ENOX1: variants seen among roughly 807,000 people sequenced by gnomAD.
ENOX1 encodes the protein ecto-NOX disulfide-thiol exchanger 1.
ENOX1 carries 42 observed loss-of-function variants against 82.5 expected under a neutral mutation model. The observed-to-expected ratio is 0.51, with a 90% CI of 0.40 to 0.66. ENOX1 has a LOEUF of 0.66. Among genes scored for constraint, ENOX1 ranks in the 30% least tolerant of loss-of-function variants. ENOX1 has a pLI of 0.00. For missense variants in ENOX1, 608 were observed against 811.6 expected (o/e 0.75, Z 3.05); for synonymous variants, 271 against 282.2 (o/e 0.96, Z 0.40).
chr13:43,460,366 C>T (rs2057412686), intron 3 of ENOX1, among the ~76,000 whole-genome samples: 1 of 151,988 alleles, frequency 6.6e-6, no homozygotes, highest in South Asian at 2.1e-4. Flanking sequence ...ATCAGAAACC[C>T]CACTTCCTCT....
intron 2 of ENOX1, 118 bp from the exon 3 acceptor site, chr13:43,484,270 T>C (rs1413226030): frequency 1.9e-6 from 1 of 538,878 alleles, no homozygotes; most frequent in East Asian, 1.5e-4. Flanking sequence ...CTATTATCAA[T>C]TTTGTACCCT....
intron 5 of ENOX1, among the ~76,000 whole-genome samples, chr13:43,388,042 A>G (rs2052539618): frequency 6.6e-6 from 1 of 152,186 alleles, no homozygotes; most frequent in Non-Finnish European, 1.5e-5. Context: ...ACTAATAAAA[A>G]CACATGAATG....
chr13:43,393,227 C>T (rs747719047), intron 5 of ENOX1, among the ~76,000 whole-genome samples: 1 of 152,160 alleles, frequency 6.6e-6, no homozygotes, highest in Non-Finnish European at 1.5e-5. Context: ...TTCCAAGAAA[C>T]TTAAGTATTC....
chr13:43,669,715 G>A (rs1298750422), intron 1 of ENOX1, among the ~76,000 whole-genome samples: 2 of 152,002 alleles, frequency 1.3e-5, no homozygotes, highest in Non-Finnish European at 2.9e-5. Context: ...CAAGCATAGA[G>A]CTTAGAAATG....
At chr13:43,627,742 T>C (rs9594983) in intron 2 of ENOX1, among the ~76,000 whole-genome samples, 40,761 of 151,968 alleles carry the variant, frequency 0.27, 6,935 homozygotes, top group Non-Finnish European at 0.38. Context: ...GAGTCCCTTC[T>C]TTTATTGTTT....
intron 16 of ENOX1, among the ~76,000 whole-genome samples, chr13:43,217,792 G>T (rs2041564743): frequency 1.3e-5 from 2 of 152,232 alleles, no homozygotes; most frequent in Non-Finnish European, 2.9e-5. Context: ...CTTGGTTTGT[G>T]TGCTGGCCTC....
chr13:43,496,462 T>G (rs2076796577), intron 2 of ENOX1, among the ~76,000 whole-genome samples: 1 of 151,982 alleles, frequency 6.6e-6, no homozygotes, highest in Non-Finnish European at 1.5e-5. Flanking sequence ...CATAGCTGAC[T>G]GTAACCGAGT....
intron 5 of ENOX1, among the ~76,000 whole-genome samples, chr13:43,383,531 C>A (rs1476959139): frequency 6.6e-6 from 1 of 152,006 alleles, no homozygotes; most frequent in Non-Finnish European, 1.5e-5. Flanking sequence ...ATAGGAAATC[C>A]ATGTATGCTT....
intron 1 of ENOX1, among the ~76,000 whole-genome samples, chr13:43,732,760 A>G (rs1450330027): frequency 6.6e-6 from 1 of 152,236 alleles, no homozygotes; most frequent in African/African-American, 2.4e-5. Flanking sequence ...CATGGGTTCA[A>G]CAATGCTGCC....
intron 14 of ENOX1, among the ~76,000 whole-genome samples, chr13:43,246,274 A>T (rs2043076868): frequency 6.6e-6 from 1 of 152,326 alleles, no homozygotes; most frequent in Non-Finnish European, 1.5e-5. Flanking sequence ...CAGACTCAGG[A>T]TCTGAACCAA....
intron 8 of ENOX1, among the ~76,000 whole-genome samples, chr13:43,350,929 C>T (rs563489168): frequency 2.2e-4 from 33 of 152,122 alleles, no homozygotes; most frequent in South Asian, 6.2e-4. Context: ...TTGAACGGAA[C>T]GAGGGAAAAC....
At chr13:43,631,847 G>C (rs1000010382) in intron 2 of ENOX1, among the ~76,000 whole-genome samples, 2 of 152,108 alleles carry the variant, frequency 1.3e-5, no homozygotes, top group African/African-American at 4.8e-5. Flanking sequence ...AATCTGGAAA[G>C]TTATTAAATT....
intron 2 of ENOX1, among the ~76,000 whole-genome samples, chr13:43,506,407 C>T (rs12560605): frequency 0.13 from 20,088 of 149,516 alleles, 1,902 homozygotes; most frequent in East Asian, 0.48. Flanking sequence ...ACTAGTTCAA[C>T]CATTGTGGAA....
intron 1 of ENOX1, among the ~76,000 whole-genome samples, chr13:43,753,287 T>A (rs111641954): frequency 0.015 from 2,269 of 152,334 alleles, 51 homozygotes; most frequent in African/African-American, 0.05. Flanking sequence ...ATATTGAGAC[T>A]TTTTATCAAA....
At chr13:43,280,150 A>T (rs1838601926) in intron 12 of ENOX1, among the ~76,000 whole-genome samples, 1 of 152,226 alleles carries the variant, frequency 6.6e-6, no homozygotes, top group Admixed American at 6.5e-5. Flanking sequence ...CTTTCCAGCC[A>T]GGTTGGCCCA....
At chr13:43,435,597 A>G (rs987104455) in intron 3 of ENOX1, among the ~76,000 whole-genome samples, 1 of 152,228 alleles carries the variant, frequency 6.6e-6, no homozygotes, top group African/African-American at 2.4e-5. Flanking sequence ...AAACCACGGT[A>G]CTCACACAAC....
chr13:43,409,957 A>T (rs1271081101), intron 5 of ENOX1, among the ~76,000 whole-genome samples: 1 of 152,218 alleles, frequency 6.6e-6, no homozygotes, highest in Non-Finnish European at 1.5e-5. Context: ...GGAAGCCCAG[A>T]AAGACCCTGA....
chr13:43,756,372 G>A (rs1361830641), intron 1 of ENOX1, among the ~76,000 whole-genome samples: 3 of 151,206 alleles, frequency 2.0e-5, no homozygotes, highest in Admixed American at 6.6e-5. Flanking sequence ...GGTCAAGGCC[G>A]CAGTGAACCG....
intron 12 of ENOX1, among the ~76,000 whole-genome samples, chr13:43,283,632 T>C (rs2045527152): frequency 6.6e-6 from 1 of 150,458 alleles, no homozygotes; most frequent in South Asian, 2.1e-4. Context: ...TTTTTTTTTG[T>C]ACAGATGGGG....
Sources: allele counts gnomAD v4.1 joint callset (sites outside exome capture counted in the v4.1 genomes callset), GRCh38; gene constraint gnomAD v4.1.1; transcripts MANE v1.5; gene names NCBI Gene and HGNC (gene_info 2026-07-23, HGNC 2026-07-21).